The following CFAP70 variants were observed in gnomAD, a reference collection of about 807,000 sequenced individuals.
CFAP70 encodes the protein cilia- and flagella-associated protein 70.
A neutral mutation model predicts 137.6 loss-of-function variants in CFAP70; 81 were observed. The ratio of observed to expected loss-of-function variants is 0.59; its 90% CI spans 0.49 to 0.71. The LOEUF (loss-of-function observed/expected upper bound fraction) is 0.71. Among genes scored for constraint, CFAP70 ranks in the 30% least tolerant of loss-of-function variants. The pLI, the probability that CFAP70 is intolerant of heterozygous loss-of-function variation, is 0.00. For missense variants in CFAP70, 976 were observed against 1,226.7 expected, an observed-to-expected ratio of 0.80 and a Z score of 3.05; for synonymous variants, 382 against 423.6, an observed-to-expected ratio of 0.90 and a Z score of 1.20.
chr10:73,290,400 G>A (rs7073926), intron 19 of CFAP70, among the ~76,000 whole-genome samples: 16,061 of 152,152 alleles, frequency 0.11, 1,222 homozygotes, highest in East Asian at 0.3. Flanking sequence ...GGAAATGGGA[G>A]CAAGAGAAAG....
chr10:73,342,485 G>T lies in CFAP70; in HGVS notation c.400-904C>A, dbSNP rs552740817. On this transcript the variant is annotated intron_variant, in intron 5 of 26. Coordinates refer to ENST00000310715, the Ensembl canonical transcript of CFAP70. ...TTGAGTCCAGAAGTTCAAGGTTACT[G>T]TAATCTATGATTGTGCCACTGCACT... Among the ~76,000 whole-genome samples the T allele has an allele frequency of 8.5e-5, 13 of 152,228 alleles. No individual in the cohort carries two copies. In the East Asian group the frequency reaches 2.1e-3, roughly 25 times the overall value.
At chr10:73,301,516 C>T (rs2132001971) in intron 12 of CFAP70, among the ~76,000 whole-genome samples, 1 of 152,216 alleles carries the variant, frequency 6.6e-6, no homozygotes, top group Admixed American at 6.5e-5. Context: ...AAGCCAGTCA[C>T]CACATATTGT....
intron 4 of CFAP70, 37 bp downstream of exon 5, chr10:73,348,119 G>A: frequency 6.4e-7 from 1 of 1,574,706 alleles, no homozygotes; most frequent in East Asian, 2.2e-5. Flanking sequence ...TACATTGAAT[G>A]GCAGGCTGAA....
intron 21 of CFAP70, chr10:73,276,535 G>A (rs2046761155): frequency 6.6e-6 from 1 of 152,170 alleles, no homozygotes; most frequent in Non-Finnish European, 1.5e-5. Flanking sequence ...ATGTGTTAAA[G>A]CCTCCTGCTT....
rs912265310 is a variant in CFAP70 at position 73,275,450 on chromosome 10, T to C, written c.2669A>G (p.Tyr890Cys). 1 of 1,599,390 alleles carries C rather than the reference T, an allele frequency of 6.3e-7. No individual in the cohort carries two copies. The highest frequency in any genetic ancestry group is 1.1e-5 in the South Asian group (1 of 87,692). ...GGCTTTAGCAAAAGTCATTACCAGG[T>C]AGTCCATCTGGGCTGCTTGTTGAAG... Residue 890 changes from tyrosine to cysteine, a missense_variant, in exon 22 of 27, where the codon TAC becomes TGC. Transcript: ENST00000310715. This position sits in a 1 kb window ranked among gnomAD's most constrained non-coding sequence, Gnocchi z 4.0.
chr10:73,265,861 A>T (rs946958481), intron 25 of CFAP70, among the ~76,000 whole-genome samples: 2 of 147,938 alleles, frequency 1.4e-5, no homozygotes, highest in African/African-American at 2.5e-5. Flanking sequence ...TTTCTTTCAT[A>T]CTGTCATAGC....
At chr10:73,324,198 C>T (rs182544496) in intron 8 of CFAP70, among the ~76,000 whole-genome samples, 2 of 152,230 alleles carry the variant, frequency 1.3e-5, no homozygotes, top group South Asian at 2.1e-4. Context: ...TGTTCTGCAG[C>T]CACCGCTGCT....
At chr10:73,337,616 T>G (rs1299799734) in intron 6 of CFAP70, among the ~76,000 whole-genome samples, 1 of 151,578 alleles carries the variant, frequency 6.6e-6, no homozygotes, top group Non-Finnish European at 1.5e-5. Flanking sequence ...AGAAAAGAAC[T>G]TTTATCTGCT....
At position 73,257,093 on chromosome 10, in the gene CFAP70, A is replaced by G. The variant is rs532024781; in HGVS notation, c.3028-677T>C. ...GTGATTTACATTGTTTTCATTATTGATGTTGTTTTTAGTGCTTTATTTAAG... is the reference window on the plus strand; with the variant it reads ...GTGATTTACATTGTTTTCATTATTGGTGTTGTTTTTAGTGCTTTATTTAAG... On this transcript the variant is annotated intron_variant, in intron 25 of 26. Coordinates refer to ENST00000310715, the Ensembl canonical transcript of CFAP70. 3.9e-5 allele frequency among the ~76,000 whole-genome samples: 6 copies of G among 152,110 alleles called. No homozygotes were observed. The South Asian group carries it at 1.0e-3, about 26-fold the overall frequency.
chr10:73,303,801 T>C (rs2049150499), intron 12 of CFAP70, among the ~76,000 whole-genome samples: 1 of 152,216 alleles, frequency 6.6e-6, no homozygotes, highest in Non-Finnish European at 1.5e-5. Context: ...CACTCTGTAT[T>C]CCCCTATGTA....
chr10:73,287,400 CATT>C (rs1298182116), intron 19 of CFAP70, among the ~76,000 whole-genome samples: 2 of 152,258 alleles, frequency 1.3e-5, no homozygotes, highest in South Asian at 2.1e-4. Flanking sequence ...TGTGATTCAT[CATT>C]GACTGAAACG....
chr10:73,332,235 G>C (rs891631366), intron 7 of CFAP70, among the ~76,000 whole-genome samples: 1 of 152,126 alleles, frequency 6.6e-6, no homozygotes, highest in Non-Finnish European at 1.5e-5. Flanking sequence ...AAAAACTCCA[G>C]GGGGCCCACT....
intron 3 of CFAP70, among the ~76,000 whole-genome samples, chr10:73,350,069 G>A (rs916475474): frequency 2.6e-5 from 4 of 152,134 alleles, no homozygotes; most frequent in African/African-American, 9.7e-5. Flanking sequence ...TAGCTGGTCT[G>A]TTCAAAGACC....
intron 3 of CFAP70, among the ~76,000 whole-genome samples, chr10:73,348,819 T>C (rs2053943351): frequency 6.6e-6 from 1 of 152,086 alleles, no homozygotes; most frequent in Admixed American, 6.6e-5. Context: ...TCCCAGTACT[T>C]TGGGAGGCCA....
intron 24 of CFAP70, 188 bp downstream of exon 25, chr10:73,272,740 T>A (rs1227512784): frequency 4.5e-6 from 3 of 669,696 alleles, no homozygotes; most frequent in Non-Finnish European, 8.1e-6. Flanking sequence ...TTTAAAAAGA[T>A]CTTTTATTTT....
At chr10:73,263,342 C>T (rs2045458152) in intron 25 of CFAP70, among the ~76,000 whole-genome samples, 2 of 152,148 alleles carry the variant, frequency 1.3e-5, no homozygotes, top group Admixed American at 1.3e-4. Context: ...ATTGGCCTCC[C>T]AAAGTGCCGG....
chr10:73,311,258 TTC>T (rs1257781991), intron 11 of CFAP70, among the ~76,000 whole-genome samples: 2 of 146,640 alleles, frequency 1.4e-5, no homozygotes, highest in Non-Finnish European at 3.0e-5. Context: ...CTCTTGCAAA[TTC>T]TCTGTTATTC....
rs2045524031 is a variant in CFAP70 at position 73,264,012 on chromosome 10, A to G, written c.3027+5602T>C. 2.0e-5 allele frequency among the ~76,000 whole-genome samples: 3 copies of G among 152,284 alleles called. No individual in the cohort carries two copies. In the South Asian group the frequency reaches 6.2e-4, roughly 32 times the overall value. ...TATTTGTAATCCTTTTCTACAAATTATTTATTTGGATGCTCAAATTATCCT... is the reference window on the plus strand; with the variant it reads ...TATTTGTAATCCTTTTCTACAAATTGTTTATTTGGATGCTCAAATTATCCT... On this transcript the variant is annotated intron_variant, in intron 25 of 26. Transcript: ENST00000310715.
At chr10:73,264,502 T>C (rs2045572266) in intron 25 of CFAP70, among the ~76,000 whole-genome samples, 1 of 152,260 alleles carries the variant, frequency 6.6e-6, no homozygotes, top group African/African-American at 2.4e-5. Flanking sequence ...ATTCTATCCT[T>C]CTTGTTTCCA....
Sources: gnomAD v4.1 joint callset for allele counts (sites outside exome capture counted in the v4.1 genomes callset) on GRCh38, gnomAD v4.1.1 for gene constraint, Gnocchi (gnomAD v3.1) non-coding constraint, MANE v1.5 for transcripts, NCBI Gene and HGNC (gene_info 2026-07-23, HGNC 2026-07-21) for gene names.